The following PCDH7 variants were observed in gnomAD, a reference collection of about 807,000 sequenced individuals.
The protein encoded by PCDH7 is protocadherin-7.
A neutral mutation model predicts 58.9 loss-of-function variants in PCDH7; 17 were observed. The ratio of observed to expected loss-of-function variants is 0.29; its 90% CI spans 0.20 to 0.43. PCDH7 has a LOEUF of 0.43. Ranked by LOEUF, PCDH7 falls within the 20% of genes least tolerant of loss-of-function variation. The pLI, the probability that PCDH7 is intolerant of heterozygous loss-of-function variation, is 1.00. For missense variants in PCDH7, 1,274 were observed against 1,441.0 expected, an observed-to-expected ratio of 0.88 and a Z score of 1.88; for synonymous variants, 664 against 616.4, an observed-to-expected ratio of 1.08 and a Z score of -1.14.
chr4:30,977,774 C>G (rs921786669), intron 3 of PCDH7, among the ~76,000 whole-genome samples: 2 of 152,158 alleles, frequency 1.3e-5, no homozygotes, highest in Non-Finnish European at 2.9e-5. Flanking sequence ...AAGTCCCCAA[C>G]TTTTCCCCTT....
intron 2 of PCDH7, among the ~76,000 whole-genome samples, chr4:30,943,926 T>C (rs1449436308): frequency 6.6e-6 from 1 of 152,106 alleles, no homozygotes; most frequent in Non-Finnish European, 1.5e-5. Flanking sequence ...ATCTTGGTAC[T>C]AGCATATGTC....
intron 1 of PCDH7, among the ~76,000 whole-genome samples, chr4:30,841,035 A>T (rs1731147752): frequency 6.6e-6 from 1 of 152,160 alleles, no homozygotes; most frequent in African/African-American, 2.4e-5. Context: ...AAAACGTAAG[A>T]CTATGGAATT....
At chr4:30,765,300 G>A (rs187126917) in intron 1 of PCDH7, among the ~76,000 whole-genome samples, 53 of 151,584 alleles carry the variant, frequency 3.5e-4, no homozygotes, top group Admixed American at 1.8e-3. Context: ...AAAATCCAAG[G>A]GCAAAAAAGA....
intron 2 of PCDH7, among the ~76,000 whole-genome samples, chr4:30,921,956 T>C (rs1224516354): frequency 1.3e-5 from 2 of 151,760 alleles, no homozygotes; most frequent in Non-Finnish European, 2.9e-5. Context: ...TCAATGTTAG[T>C]TTCTGTTTTA....
chr4:31,077,779 A>G (rs1038863787), intron 3 of PCDH7, among the ~76,000 whole-genome samples: 9 of 152,204 alleles, frequency 5.9e-5, no homozygotes, highest in Non-Finnish European at 1.2e-4. Context: ...GCCTTCAGCA[A>G]TACTTTCAAA....
intron 1 of PCDH7, among the ~76,000 whole-genome samples, chr4:30,907,144 A>G (rs1019383077): frequency 2.0e-5 from 3 of 152,178 alleles, no homozygotes; most frequent in African/African-American, 4.8e-5. Context: ...TGACCTGTCT[A>G]TGGACTTCTC....
intron 1 of PCDH7, among the ~76,000 whole-genome samples, chr4:30,886,687 G>A (rs879295889): frequency 3.4e-4 from 51 of 151,246 alleles, no homozygotes; most frequent in East Asian, 6.0e-4. Flanking sequence ...TGTTTATTGC[G>A]GCATTATTCA....
intron 3 of PCDH7, among the ~76,000 whole-genome samples, chr4:31,129,704 C>A (rs1718737252): frequency 6.6e-6 from 1 of 152,106 alleles, no homozygotes; most frequent in Non-Finnish European, 1.5e-5. Context: ...GCAATCTCGG[C>A]TCACTGCAAC....
At chr4:30,815,667 T>A (rs1344798235) in intron 1 of PCDH7, among the ~76,000 whole-genome samples, 1 of 152,190 alleles carries the variant, frequency 6.6e-6, no homozygotes, top group East Asian at 1.9e-4. Flanking sequence ...TAAAGGAAGA[T>A]CATACACCAG....
intron 1 of PCDH7, among the ~76,000 whole-genome samples, chr4:30,757,033 A>G (rs2109264552): frequency 6.6e-6 from 1 of 152,314 alleles, no homozygotes; most frequent in East Asian, 1.9e-4. Context: ...ACCTCCAAAC[A>G]GTTCTACATC....
chr4:31,060,306 T>A (rs778766894), intron 3 of PCDH7, among the ~76,000 whole-genome samples: 2 of 151,770 alleles, frequency 1.3e-5, no homozygotes, highest in African/African-American at 2.4e-5. Flanking sequence ...CACTGACTGT[T>A]TATTTATTTG....
intron 1 of PCDH7, among the ~76,000 whole-genome samples, chr4:30,839,186 T>C (rs1320589295): frequency 6.6e-6 from 1 of 152,008 alleles, no homozygotes; most frequent in Non-Finnish European, 1.5e-5. Context: ...TCTCTCTATA[T>C]ATATGTGTGT....
chr4:30,736,738 G>A (rs1200774369), downstream of PCDH7, among the ~76,000 whole-genome samples: 1 of 151,732 alleles, frequency 6.6e-6, no homozygotes, highest in East Asian at 1.9e-4. Flanking sequence ...GGGTATCACC[G>A]TGTCAGCCAG....
intron 3 of PCDH7, among the ~76,000 whole-genome samples, chr4:30,951,004 C>CA (rs1314561597): frequency 2.0e-5 from 3 of 152,126 alleles, no homozygotes; most frequent in Non-Finnish European, 4.4e-5. Flanking sequence ...CGAGTCCTCC[C>CA]AGCTCCTGCA....
chr4:30,750,676 C>T (rs1422020329), intron 1 of PCDH7, among the ~76,000 whole-genome samples: 1 of 151,998 alleles, frequency 6.6e-6, no homozygotes, highest in Non-Finnish European at 1.5e-5. Flanking sequence ...TGCCCTTATC[C>T]ATTATGTGCA....
At chr4:30,895,803 G>A (rs1271804750) in intron 1 of PCDH7, among the ~76,000 whole-genome samples, 1 of 152,128 alleles carries the variant, frequency 6.6e-6, no homozygotes, top group Non-Finnish European at 1.5e-5. Context: ...CTCAGATTGT[G>A]TTTATAAGAC....
chr4:31,135,775 A>T (rs183322006), intron 3 of PCDH7, among the ~76,000 whole-genome samples: 12 of 152,334 alleles, frequency 7.9e-5, no homozygotes, highest in Admixed American at 6.5e-4. Context: ...TAAGTGAGAC[A>T]AAAAAGATGC....
chr4:30,911,323 C>T (rs1188904074), intron 1 of PCDH7, among the ~76,000 whole-genome samples: 1 of 128,522 alleles, frequency 7.8e-6, no homozygotes, highest in Non-Finnish European at 1.6e-5. Flanking sequence ...AAAAATCACC[C>T]CCCCCCCCAA....
intron 1 of PCDH7, among the ~76,000 whole-genome samples, chr4:30,876,149 C>T (rs912965219): frequency 6.6e-6 from 1 of 152,038 alleles, no homozygotes; most frequent in African/African-American, 2.4e-5. Flanking sequence ...TGTTTGTCAG[C>T]TAGAGAAGGT....
Sources: gnomAD v4.1 joint callset for allele counts (sites outside exome capture counted in the v4.1 genomes callset) on GRCh38, gnomAD v4.1.1 for gene constraint, MANE v1.5 for transcripts, NCBI Gene and HGNC (gene_info 2026-07-23, HGNC 2026-07-21) for gene names.